PRX: variants seen among roughly 807,000 people sequenced by gnomAD.
PRX encodes the protein periaxin.
In PRX, 24 loss-of-function variants were observed where a neutral mutation model predicts 29.6. The ratio of observed to expected loss-of-function variants is 0.81; its 90% CI spans 0.59 to 1.14. The LOEUF (loss-of-function observed/expected upper bound fraction) is 1.14. Ranked by LOEUF, PRX falls within the 50% of genes most tolerant of loss-of-function variation. The pLI is 0.00. For missense variants in PRX, 1,838 were observed against 1,926.4 expected (o/e 0.95, Z 0.86); for synonymous variants, 772 against 831.7 (o/e 0.93, Z 1.24).
At chr19:40,403,153 A>G (rs1447093045) in intron 5 of PRX, among the ~76,000 whole-genome samples, 1 of 152,188 alleles carries the variant, frequency 6.6e-6, no homozygotes, top group Non-Finnish European at 1.5e-5. Flanking sequence ...CTGGGCAACA[A>G]GAGAGAAACT....
At chr19:40,408,521 G>C (rs1317348276) in intron 1 of PRX, 138 bp from the exon 2 acceptor site, 1 of 162,002 alleles carries the variant, frequency 6.2e-6, no homozygotes, top group African/African-American at 2.4e-5. Context: ...CCTTTACCCA[G>C]GATGACTCAG....
chr19:40,400,046 G>A (rs990685603), intron 5 of PRX, among the ~76,000 whole-genome samples: 2 of 150,724 alleles, frequency 1.3e-5, no homozygotes, highest in East Asian at 2.0e-4. Context: ...GCAATGGCGC[G>A]ATCTTGGCTC....
chr19:40,406,361 A>G (rs2079530497), intron 4 of PRX, among the ~76,000 whole-genome samples: 1 of 151,598 alleles, frequency 6.6e-6, no homozygotes, highest in African/African-American at 2.4e-5. Flanking sequence ...TACAGGTGTG[A>G]GCCATCGAAT....
At position 40,395,692 on chromosome 19, in the gene PRX, A is replaced by G; in HGVS notation, c.2660T>C (p.Val887Ala). Reference sequence around the variant, plus strand: ...GCCCACTTCCCTGACCCCTGCTGCCACCTCAGGGCCCTCCACCCGCTCTCC... The same window carrying G: ...GCCCACTTCCCTGACCCCTGCTGCCGCCTCAGGGCCCTCCACCCGCTCTCC... ...GKGERVEGPE[V>A]AAGVREVGFR... Residue 887 changes from valine to alanine, a missense_variant, in exon 7 of 7, where the codon GTG becomes GCG. Physicochemically the swap from Val to Ala is moderately conservative, Grantham distance 64. Coordinates refer to ENST00000324001, the MANE Select transcript of PRX (RefSeq NM_181882.3). 2.5e-6 allele frequency: 4 copies of G among 1,613,972 alleles called. No individual in the cohort carries two copies. The South Asian group carries it at 3.3e-5, about 13-fold the overall frequency.
rs560219343 is a variant in PRX at position 40,412,479 on chromosome 19, A to AT, written c.-243+858dup. ...CCTGTATAGTAAATGCTTGATTAATATAAACTCGTCTCTGACAGCAACAGG... is the reference window on the plus strand; with the variant it reads ...CCTGTATAGTAAATGCTTGATTAATATTAAACTCGTCTCTGACAGCAACAGG... On this transcript the variant is annotated intron_variant, in intron 1 of 6. Transcript: ENST00000324001. Among the ~76,000 whole-genome samples, 9 of 152,282 alleles carry AT rather than the reference A, an allele frequency of 5.9e-5. No individual in the cohort carries two copies. The South Asian group carries it at 1.9e-3, about 32-fold the overall frequency.
rs867526616 is a variant in PRX at position 40,408,209 on chromosome 19, C to T, written c.-151G>A. 2.4e-5 allele frequency: 14 copies of T among 575,314 alleles called. No homozygotes were observed. Among genetic ancestry groups the T allele is most frequent in the South Asian group, 1.0e-4 (5 of 49,600 alleles). The allele number at this position is 575,314 out of a possible 1,614,324, so 35.6% of individuals were successfully genotyped here. On this transcript the variant is annotated 5_prime_UTR_variant, in exon 3 of 7. Coordinates refer to ENST00000324001, the MANE Select transcript of PRX (RefSeq NM_181882.3). ...CTAACAGGAGCCCAGCCCGAGGTGC[C>T]GCACAGCTGTCTGCAGGGCTCACGC...
chr19:40,395,047 A>T lies in PRX; in HGVS notation c.3305T>A (p.Val1102Asp). 12 of 1,612,000 alleles carry T rather than the reference A, an allele frequency of 7.4e-6. No homozygotes were observed. Among genetic ancestry groups the T allele is most frequent in the Non-Finnish European group, 1.0e-5 (12 of 1,179,926 alleles). The change falls in exon 7 of 7, where the codon GTC becomes GAC. Residue 1102 changes from valine (V) to aspartate (D), a missense_variant. Val to Asp is a radical substitution (Grantham distance 152). Around this residue, in one of 3 missense-constraint regions of PRX, gnomAD observed 1,143 missense variants for 1,193.0 expected, o/e 0.96. Transcript: ENST00000324001. ...CCCTTCCTCCTGGGCGCCCAGCGTGACCAGCTCCACCTCGGGGATCTTAAG... is the reference window on the plus strand; with the variant it reads ...CCCTTCCTCCTGGGCGCCCAGCGTGTCCAGCTCCACCTCGGGGATCTTAAG... ...VQLKIPEVEL[V>D]TLGAQEEGRA...
At position 40,394,017 on chromosome 19, in the gene PRX, T is replaced by A; in HGVS notation, c.4335A>T (p.Thr1445=). Residue 1445 remains threonine, a synonymous_variant, in exon 7 of 7, where the codon ACA becomes ACT. Transcript: ENST00000324001. The surrounding 1 kb of genome is among the most constrained non-coding windows in gnomAD (Gnocchi z 5.8). ...CCATCCTGGCCGGGCCTGGAGCCCC[T>A]GTCTCTGAAAACCCCACGCTGGGCA... ...VRLPSVGFSE[T]GAPGPARMEG... The A allele has an allele frequency of 6.2e-7, 1 of 1,613,572 alleles. No homozygotes were observed. Among genetic ancestry groups the A allele is most frequent in the Non-Finnish European group, 8.5e-7 (1 of 1,179,726 alleles).
Position 40,408,809 on chromosome 19 carries a change from T to TG in PRX, c.-242-427dup, listed in dbSNP as rs199840519. 4.0e-3 allele frequency among the ~76,000 whole-genome samples: 572 copies of TG among 141,766 alleles called. 7 individuals carry two copies. Among genetic ancestry groups the TG allele is most frequent in the African/African-American group, 0.015 (518 of 34,970 alleles). The allele number at this position is 141,766 out of a possible 152,430, so 93.0% of individuals were successfully genotyped here. A position where few individuals can be genotyped will look rare whatever the true frequency, so the allele number is the denominator to read the frequency against. ...CAACACCCGGCTACGTTTTTGTTGT[T>TG]GTTGGTGGTGTGTGTGTGTGTGTGT... On this transcript the variant is annotated intron_variant, in intron 1 of 6. Coordinates refer to ENST00000324001, the MANE Select transcript of PRX (RefSeq NM_181882.3).
In PRX at chr19:40,394,726, C is replaced by G; in HGVS notation, c.3626G>C (p.Gly1209Ala). ...VAGGELLVGE[G>A]VFKMPTVTVP... is the part of the protein sequence containing the mutation. ...TGTCACGGTGGGCATCTTAAAGACA[C>G]CCTCACCCACCAGCAGCTCACCACC... The change falls in exon 7 of 7, where the codon GGT (glycine) becomes GCT (alanine). Residue 1209 changes from glycine to alanine, a missense_variant. Gly to Ala is a moderately conservative substitution (Grantham distance 60). This residue lies in a region of PRX where 1,143 missense variants were observed against 1,193.0 expected (regional missense o/e 0.96). Coordinates refer to ENST00000324001, the MANE Select transcript of PRX (RefSeq NM_181882.3). The surrounding 1 kb of genome is among the most constrained non-coding windows in gnomAD (Gnocchi z 5.8). The G allele has an allele frequency of 1.2e-6, 2 of 1,612,962 alleles. No individual in the cohort carries two copies. The highest frequency in any genetic ancestry group is 8.5e-7 in the Non-Finnish European group (1 of 1,180,012).
In PRX at chr19:40,395,451, G is replaced by A; in HGVS notation, c.2901C>T (p.Pro967=). Reference sequence around the variant, plus strand: ...CAGCCTCAGCCCCCACCCGAGCCTTGGGGAGTGAGATGGCAAATTTGGATA... The same window carrying A: ...CAGCCTCAGCCCCCACCCGAGCCTTAGGGAGTGAGATGGCAAATTTGGATA... The part of the protein sequence containing the change: ...LKVSKFAISL[P]KARVGAEAEA... Residue 967 remains proline (P), a synonymous_variant, in exon 7 of 7, where the codon CCC becomes CCT. Coordinates refer to ENST00000324001, the MANE Select transcript of PRX (RefSeq NM_181882.3). 6.2e-7 allele frequency: 1 copy of A among 1,614,106 alleles called. No individual in the cohort carries two copies. The highest frequency in any genetic ancestry group is 8.5e-7 in the Non-Finnish European group (1 of 1,180,020).
chr19:40,406,859 C>T (rs1050793042), intron 4 of PRX, among the ~76,000 whole-genome samples: 3 of 147,758 alleles, frequency 2.0e-5, no homozygotes, highest in Non-Finnish European at 3.0e-5. Flanking sequence ...CTGCCACCTC[C>T]GCTTCCTGGG....
rs1254785303 is a variant in PRX, at chr19:40,396,129, G to A, written c.2223C>T (p.His741=). 2 of 1,613,200 alleles carry A rather than the reference G, an allele frequency of 1.2e-6. No homozygotes were observed. The highest frequency in any genetic ancestry group is 1.7e-6 in the Non-Finnish European group (2 of 1,179,604). Reference sequence around the variant, plus strand: ...CTTTCGGCAGCTGCACCTCGGGGAGGTGCACATCGGGCACAGCCATCTCAG... The same window carrying A: ...CTTTCGGCAGCTGCACCTCGGGGAGATGCACATCGGGCACAGCCATCTCAG... The part of the protein sequence containing the change: ...KVPEMAVPDV[H]LPEVQLPKVS... The change falls in exon 7 of 7, where the codon CAC becomes CAT. Residue 741 remains histidine (H), a synonymous_variant. Transcript: ENST00000324001.
rs879254301 is a variant in PRX, at chr19:40,396,694, T to C, written c.1658A>G (p.Glu553Gly). ...CTCTGACACCTCTGGGAGTTTCATC[T>C]CTGACACTTTCGGCAGCTGTACCTC... The part of the protein sequence containing the change: ...LPEVQLPKVS[E>G]MKLPEVSEVA... Residue 553 changes from glutamate (E) to glycine (G), a missense_variant, in exon 7 of 7, where the codon GAG becomes GGG. By Grantham distance (98) the Glu-to-Gly change is moderately conservative. Around this residue, in one of 3 missense-constraint regions of PRX, gnomAD observed 1,143 missense variants for 1,193.0 expected, o/e 0.96. Coordinates refer to ENST00000324001, the MANE Select transcript of PRX (RefSeq NM_181882.3). 20 of 1,613,996 alleles carry C rather than the reference T, an allele frequency of 1.2e-5. No individual in the cohort carries two copies. Among genetic ancestry groups the C allele is most frequent in the Non-Finnish European group, 1.7e-5 (20 of 1,179,980 alleles).
In PRX at chr19:40,393,837, G is replaced by T; in HGVS notation, c.*129C>A. On this transcript the variant is annotated 3_prime_UTR_variant, in exon 7 of 7. Transcript: ENST00000324001. ...ACTCCTGCCAGAGAGACAGGAGCAG[G>T]CCTCCCTGCCAGCCCTGGTCAGTCA... The T allele has an allele frequency of 1.4e-6, 2 of 1,419,580 alleles. No individual in the cohort carries two copies. Among genetic ancestry groups the T allele is most frequent in the Non-Finnish European group, 1.9e-6 (2 of 1,030,554 alleles). The allele number at this position is 1,419,580 out of a possible 1,614,324, so 87.9% of individuals were successfully genotyped here. A position where few individuals can be genotyped will look rare whatever the true frequency, so the allele number is the denominator to read the frequency against.
At chr19:40,407,790 C>T (rs925041812) in intron 4 of PRX, 116 bp downstream of exon 4, 10 of 1,433,776 alleles carry the variant, frequency 7.0e-6, no homozygotes, top group South Asian at 5.7e-5. Context: ...TTATTATTTC[C>T]ATTTCACAGA....
At chr19:40,410,998 G>A (rs1202235188) in intron 1 of PRX, among the ~76,000 whole-genome samples, 3 of 152,244 alleles carry the variant, frequency 2.0e-5, no homozygotes. Context: ...TGTCTGCCAT[G>A]TCTGGGGCAT....
chr19:40,412,187 C>T (rs888223215), intron 1 of PRX, among the ~76,000 whole-genome samples: 1 of 152,306 alleles, frequency 6.6e-6, no homozygotes, highest in East Asian at 1.9e-4. Flanking sequence ...CCGCCACCAG[C>T]GTGATCTCTC....
At chr19:40,413,111 G>A (rs1214474442) in intron 1 of PRX, among the ~76,000 whole-genome samples, 1 of 152,154 alleles carries the variant, frequency 6.6e-6, no homozygotes, top group Non-Finnish European at 1.5e-5. Flanking sequence ...TTTTAGAGAT[G>A]GGGAAACAGA....
Sources: allele counts gnomAD v4.1 joint callset (sites outside exome capture counted in the v4.1 genomes callset), GRCh38; gene constraint gnomAD v4.1.1; regional missense constraint gnomAD v4.1.1; non-coding constraint Gnocchi (gnomAD v3.1); transcripts MANE v1.5; gene names NCBI Gene and HGNC (gene_info 2026-07-23, HGNC 2026-07-21).